CTNNA3: variants seen among roughly 807,000 people sequenced by gnomAD.
The protein encoded by CTNNA3 is catenin alpha 3, also known as catenin alpha-3.
In CTNNA3, 76 loss-of-function variants were observed where a neutral mutation model predicts 95.7. The ratio of observed to expected loss-of-function variants is 0.79; its 90% CI spans 0.66 to 0.96. CTNNA3 has a LOEUF of 0.96. CTNNA3 is among the 40% of genes least tolerant of loss of function. The probability of loss-of-function intolerance (pLI) is 0.00; values close to 1 mark genes in which losing one functional copy is unlikely to be tolerated. For missense variants in CTNNA3, 1,191 were observed against 1,089.8 expected, an observed-to-expected ratio of 1.09 and a Z score of -1.31; for synonymous variants, 431 against 374.4, an observed-to-expected ratio of 1.15 and a Z score of -1.74.
intron 7 of CTNNA3, among the ~76,000 whole-genome samples, chr10:66,795,573 C>T (rs778269715): frequency 6.6e-5 from 10 of 152,176 alleles, no homozygotes; most frequent in East Asian, 3.9e-4. Flanking sequence ...GAATGGTAAA[C>T]GAGCACTGGT....
intron 3 of CTNNA3, among the ~76,000 whole-genome samples, chr10:67,548,014 G>A (rs1407312046): frequency 3.3e-5 from 5 of 152,068 alleles, no homozygotes; most frequent in Admixed American, 1.3e-4. Flanking sequence ...GTTTATCCCC[G>A]CCAAATCTCA....
intron 7 of CTNNA3, among the ~76,000 whole-genome samples, chr10:67,139,593 A>C (rs1208266389): frequency 6.6e-6 from 1 of 151,144 alleles, no homozygotes; most frequent in Non-Finnish European, 1.5e-5. Context: ...TTGTATTTTT[A>C]GTAGAGACAG....
intron 7 of CTNNA3, among the ~76,000 whole-genome samples, chr10:67,152,050 A>G (rs117938051): frequency 0.016 from 2,408 of 152,306 alleles, 26 homozygotes; most frequent in Non-Finnish European, 0.023. Flanking sequence ...AGAGTTTATA[A>G]TCTAAATCAG....
chr10:66,447,659 T>G (rs2093432544), intron 11 of CTNNA3, among the ~76,000 whole-genome samples: 1 of 152,116 alleles, frequency 6.6e-6, no homozygotes, highest in African/African-American at 2.4e-5. Context: ...CCTTACACCT[T>G]ATACAAAAAT....
chr10:66,432,585 C>A (rs368901962), intron 11 of CTNNA3, among the ~76,000 whole-genome samples: 2 of 150,044 alleles, frequency 1.3e-5, no homozygotes, highest in Non-Finnish European at 2.9e-5. Flanking sequence ...GGCATGAACC[C>A]GGGAGGTGGA....
At chr10:67,174,704 CA>C (rs1330076831) in intron 7 of CTNNA3, among the ~76,000 whole-genome samples, 1 of 152,106 alleles carries the variant, frequency 6.6e-6, no homozygotes, top group Non-Finnish European at 1.5e-5. Context: ...TTATTTCTCT[CA>C]ACTCCCAGCT....
At chr10:66,683,984 AT>A (rs1348492713) in intron 9 of CTNNA3, among the ~76,000 whole-genome samples, 2 of 152,174 alleles carry the variant, frequency 1.3e-5, no homozygotes, top group Admixed American at 6.5e-5. Context: ...AAAAGATGGG[AT>A]TTTGGTCAAT....
chr10:67,706,544 T>C (rs1313783739), intron 1 of CTNNA3, among the ~76,000 whole-genome samples: 2 of 151,912 alleles, frequency 1.3e-5, no homozygotes, highest in East Asian at 3.9e-4. Context: ...GCAGAAGTGA[T>C]GAAAAAAAAC....
chr10:66,474,185 T>G (rs1180302414), intron 11 of CTNNA3, among the ~76,000 whole-genome samples: 2 of 152,046 alleles, frequency 1.3e-5, no homozygotes, highest in Non-Finnish European at 2.9e-5. Context: ...AACTGTAACT[T>G]TGTAGCCATT....
intron 15 of CTNNA3, among the ~76,000 whole-genome samples, chr10:66,018,603 T>A (rs1215813829): frequency 6.6e-6 from 1 of 152,088 alleles, no homozygotes; most frequent in African/African-American, 2.4e-5. Flanking sequence ...CTTCTGTTTG[T>A]ATGAAATGTC....
chr10:66,771,637 C>T lies in CTNNA3; in HGVS notation c.1128+3807G>A, dbSNP rs192868146. ...CTGGGCTAGAACTGTGTCTCTATCACGTAGCTGGGTGATGTTTGCTATGTT... is the reference window on the plus strand; with the variant it reads ...CTGGGCTAGAACTGTGTCTCTATCATGTAGCTGGGTGATGTTTGCTATGTT... On this transcript the variant is annotated intron_variant, in intron 8 of 17. Coordinates refer to ENST00000433211, the MANE Select transcript of CTNNA3 (RefSeq NM_013266.4). 9.9e-5 allele frequency among the ~76,000 whole-genome samples: 15 copies of T among 152,154 alleles called. No homozygotes were observed. The East Asian group carries it at 1.2e-3, about 12-fold the overall frequency.
intron 7 of CTNNA3, among the ~76,000 whole-genome samples, chr10:67,119,487 A>T (rs930808891): frequency 1.3e-5 from 2 of 151,948 alleles, no homozygotes; most frequent in Non-Finnish European, 2.9e-5. Context: ...TAAACAATGA[A>T]CCTCTGTTAG....
At chr10:67,538,269 G>A (rs1228308218) in intron 4 of CTNNA3, among the ~76,000 whole-genome samples, 4 of 150,324 alleles carry the variant, frequency 2.7e-5, no homozygotes, top group Non-Finnish European at 5.9e-5. Flanking sequence ...GTTAAAATAA[G>A]CAATAGTGAA....
intron 7 of CTNNA3, among the ~76,000 whole-genome samples, chr10:66,871,562 CAAAAAAAAAAAAA>C (rs34018938): frequency 1.0e-5 from 1 of 96,460 alleles, no homozygotes; most frequent in Admixed American, 1.1e-4. Flanking sequence ...AACTCTGTCT[CAAAAAAAAAAAAA>C]AAAAAAAAAA....
intron 13 of CTNNA3, among the ~76,000 whole-genome samples, chr10:66,228,406 A>G (rs1166520749): frequency 6.6e-5 from 10 of 151,770 alleles, no homozygotes; most frequent in African/African-American, 1.2e-4. Context: ...GTTCTTCTTA[A>G]TTTTTTATTA....
chr10:67,166,987 G>C (rs10997542), intron 7 of CTNNA3, among the ~76,000 whole-genome samples: 6,215 of 152,000 alleles, frequency 0.041, 138 homozygotes, highest in East Asian at 0.12. Flanking sequence ...CATGCCTGTA[G>C]TCCCAGCTAC....
intron 7 of CTNNA3, among the ~76,000 whole-genome samples, chr10:67,028,645 A>G (rs965845266): frequency 2.0e-5 from 1 of 50,390 alleles, no homozygotes; most frequent in Admixed American, 3.4e-4. Context: ...AGCTAGTTCT[A>G]CTTAAAAAAA....
chr10:66,095,796 C>T (rs1322338643), intron 14 of CTNNA3, among the ~76,000 whole-genome samples: 1 of 152,008 alleles, frequency 6.6e-6, no homozygotes, highest in African/African-American at 2.4e-5. Flanking sequence ...TGTCCAGTAA[C>T]CTAGGCAACT....
At chr10:66,908,243 A>G (rs919958047) in intron 7 of CTNNA3, among the ~76,000 whole-genome samples, 31 of 152,180 alleles carry the variant, frequency 2.0e-4, no homozygotes, top group African/African-American at 7.5e-4. Flanking sequence ...GCCCTTTAGT[A>G]TACTGCTTCT....
Sources: gnomAD v4.1 joint callset for allele counts (sites outside exome capture counted in the v4.1 genomes callset) on GRCh38, gnomAD v4.1.1 for gene constraint, MANE v1.5 for transcripts, NCBI Gene and HGNC (gene_info 2026-07-23, HGNC 2026-07-21) for gene names.